The following TSPAN3 variants were observed in gnomAD, a reference collection of about 807,000 sequenced individuals.
TSPAN3 encodes the protein tetraspanin 3.
In TSPAN3, 9 loss-of-function variants were observed where a neutral mutation model predicts 31.1. That is an observed-to-expected ratio of 0.29 (90% CI 0.17 to 0.50). The LOEUF is 0.50. Ranked by LOEUF, TSPAN3 falls within the 20% of genes least tolerant of loss-of-function variation. TSPAN3 has a pLI of 0.98. For synonymous variants in TSPAN3, 129 were observed against 114.3 expected, an observed-to-expected ratio of 1.13 and a Z score of -0.82; for missense variants, 252 against 313.5, an observed-to-expected ratio of 0.80 and a Z score of 1.48.
chr15:77,048,263 G>C (rs1281424871), intron 6 of TSPAN3, among the ~76,000 whole-genome samples: 1 of 152,142 alleles, frequency 6.6e-6, no homozygotes, highest in Non-Finnish European at 1.5e-5. Context: ...TGTTAGAACA[G>C]CTATAAACTC....
chr15:77,070,939 T>G lies in TSPAN3; in HGVS notation c.16A>C (p.Ile6Leu), dbSNP rs1277930372. ...ACCAGCACGGTCTTGGAGGAGGTGA[T>G]GCCGCACTGGCCCATGGCGCCGGTG... MGQCGITSSKTVLVFL... is the reference protein window; with the variant it reads MGQCGLTSSKTVLVFL... The change falls in exon 1 of 7, where the codon ATC becomes CTC. Residue 6 changes from isoleucine (I) to leucine (L), a missense_variant. Ile to Leu is a conservative substitution (Grantham distance 5). Transcript: ENST00000267970. The G allele has an allele frequency of 4.2e-6, 6 of 1,445,752 alleles. No homozygotes were observed. The highest frequency in any genetic ancestry group is 5.5e-6 in the Non-Finnish European group (6 of 1,091,838). 89.6% of individuals were successfully genotyped at this position (1,445,752 alleles called of 1,614,324 possible).
intron 1 of TSPAN3, among the ~76,000 whole-genome samples, chr15:77,060,545 T>C (rs1177052005): frequency 1.3e-5 from 2 of 152,226 alleles, no homozygotes; most frequent in African/African-American, 4.8e-5. Flanking sequence ...CTAGTATGCA[T>C]AGGGACTTTG....
chr15:77,056,109 A>C lies in TSPAN3; in HGVS notation c.210T>G (p.Ile70Met), dbSNP rs1163406133. 6.2e-7 allele frequency: 1 copy of C among 1,612,340 alleles called. No homozygotes were observed. The highest frequency in any genetic ancestry group is 1.3e-5 in the African/African-American group (1 of 74,792). Residue 70 changes from isoleucine (I) to methionine (M), a missense_variant, in exon 2 of 7, where the codon ATT (isoleucine) becomes ATG (methionine). Ile to Met is a conservative substitution (Grantham distance 10). Transcript: ENST00000267970. ...VGALLFIIGL[I>M]GCCATIRESR... ...TTTCCCGGATTGTGGCACAGCAGCC[A>C]ATTAGCCCAATGATGAAAAGCAGGG...
rs774521595 is a variant in TSPAN3, at chr15:77,070,788, C to T, written c.63+104G>A. 1,211 of 572,058 alleles carry T rather than the reference C, an allele frequency of 2.1e-3. 12 individuals carry two copies. In the African/African-American group the frequency reaches 0.023, roughly 11 times the overall value. 35.4% of individuals were successfully genotyped at this position (572,058 alleles called of 1,614,324 possible). ...CAGCCGCCTGAGGGCCCGCGCGCGG[C>T]CCCCGCGCGCCCGCCCAGGCCCAAG... On this transcript the variant is annotated intron_variant, in intron 1 of 6. Transcript: ENST00000267970.
intron 1 of TSPAN3, among the ~76,000 whole-genome samples, chr15:77,056,723 A>G (rs2076771204): frequency 6.6e-6 from 1 of 152,158 alleles, no homozygotes; most frequent in African/African-American, 2.4e-5. Flanking sequence ...ACCTCAAGGA[A>G]AAGAAAATAC....
At chr15:77,065,677 G>C (rs1295561089) in intron 1 of TSPAN3, among the ~76,000 whole-genome samples, 1 of 152,178 alleles carries the variant, frequency 6.6e-6, no homozygotes, top group Non-Finnish European at 1.5e-5. Context: ...AAAGTGCTGG[G>C]ATTACAGGCA....
intron 1 of TSPAN3, among the ~76,000 whole-genome samples, chr15:77,059,036 G>C (rs748639043): frequency 2.0e-5 from 3 of 152,010 alleles, no homozygotes; most frequent in African/African-American, 4.8e-5. Context: ...GCACAAAAGT[G>C]GGGGGGAGTG....
rs190450799 is a variant in TSPAN3 at position 77,043,488 on chromosome 15, C to T, written c.*3347G>A. 1.3e-5 allele frequency: 2 copies of T among 152,282 alleles called. No homozygotes were observed. Among genetic ancestry groups the T allele is most frequent in the Admixed American group, 6.5e-5 (1 of 15,292 alleles). The allele number at this position is 152,282 out of a possible 1,614,324, so 9.4% of individuals were successfully genotyped here. ...CGAGATGCGATGCCCTGAGAGGCCGCGTGACGCAGGTAGTGGTTCAGCCAC... is the reference window on the plus strand; with the variant it reads ...CGAGATGCGATGCCCTGAGAGGCCGTGTGACGCAGGTAGTGGTTCAGCCAC... On this transcript the variant is annotated 3_prime_UTR_variant, in exon 7 of 7. Coordinates refer to ENST00000267970, the MANE Select transcript of TSPAN3 (RefSeq NM_005724.6).
chr15:77,067,036 GA>G (rs1451891761), intron 1 of TSPAN3, among the ~76,000 whole-genome samples: 1 of 151,748 alleles, frequency 6.6e-6, no homozygotes, highest in Non-Finnish European at 1.5e-5. Context: ...CCATTCCCAT[GA>G]AAACCCATTA....
chr15:77,046,825 G>C lies in TSPAN3; in HGVS notation c.*10C>G, dbSNP rs977506827. 1.9e-6 allele frequency: 3 copies of C among 1,578,620 alleles called. No individual in the cohort carries two copies. Among genetic ancestry groups the C allele is most frequent in the East Asian group, 2.3e-5 (1 of 43,566 alleles). ...GAACAAGACCAAAAAGCTCAGGCTT[G>C]AGTTGTCAACTATGCATAGGTTCCG... On this transcript the variant is annotated 3_prime_UTR_variant, in exon 7 of 7. Coordinates refer to ENST00000267970, the MANE Select transcript of TSPAN3 (RefSeq NM_005724.6).
chr15:77,047,766 TA>T lies in TSPAN3; in HGVS notation c.670-840del, dbSNP rs539945174. Among the ~76,000 whole-genome samples, 309 of 152,320 alleles carry T rather than the reference TA, an allele frequency of 2.0e-3. 2 individuals are homozygous for T. Among genetic ancestry groups the T allele is most frequent in the African/African-American group, 7.0e-3 (292 of 41,550 alleles). ...TTTTGACCTACCTTCTCCCAAAATA[TA>T]ATTTTTTTGTGAGATAATTTGCTGT... On this transcript the variant is annotated intron_variant, in intron 6 of 6. Transcript: ENST00000267970.
intron 4 of TSPAN3, among the ~76,000 whole-genome samples, chr15:77,053,443 C>T (rs570823973): frequency 6.3e-5 from 4 of 63,956 alleles, no homozygotes; most frequent in East Asian, 1.1e-3. Flanking sequence ...AGTGAAATTT[C>T]GCCATCTCAA....
At chr15:77,054,947 G>A (rs569428576) in intron 3 of TSPAN3, 1 of 152,254 alleles carries the variant, frequency 6.6e-6, no homozygotes, top group South Asian at 2.1e-4. Flanking sequence ...TCGGAGGACT[G>A]GACTTATCTG....
At chr15:77,063,384 A>G (rs896337846) in intron 1 of TSPAN3, 1 of 145,132 alleles carries the variant, frequency 6.9e-6, no homozygotes, top group Non-Finnish European at 1.5e-5. Flanking sequence ...AGAAAATTCT[A>G]TTTTTTTTTT....
rs1374705780 is a variant in TSPAN3 at position 77,054,319 on chromosome 15, G to A, written c.331-40C>T. ...AGAATTCAGTCCCTCAAAAATACTA[G>A]TAAAAGTAACATTAGTCAAGGCTCC... On this transcript the variant is annotated intron_variant, in intron 3 of 6. Transcript: ENST00000267970. The A allele has an allele frequency of 8.6e-6, 12 of 1,392,958 alleles. No individual in the cohort carries two copies. In the East Asian group the frequency reaches 1.4e-4, roughly 16 times the overall value. 86.3% of individuals were successfully genotyped at this position (1,392,958 alleles called of 1,614,324 possible).
chr15:77,052,978 G>C, intron 4 of TSPAN3, 49 bp from the exon 5 acceptor site: 1 of 1,550,646 alleles, frequency 6.4e-7, no homozygotes, highest in Non-Finnish European at 8.8e-7. Context: ...CCAAATACCT[G>C]AAGTTCCATG....
rs2076667283 is a variant in TSPAN3 at position 77,042,801 on chromosome 15, G to A, written c.*4034C>T. The A allele has an allele frequency of 6.6e-6, 1 of 152,068 alleles. No individual in the cohort carries two copies. Among genetic ancestry groups the A allele is most frequent in the South Asian group, 2.1e-4 (1 of 4,818 alleles). 9.4% of individuals were successfully genotyped at this position (152,068 alleles called of 1,614,324 possible). A position where few individuals can be genotyped will look rare whatever the true frequency, so the allele number is the denominator to read the frequency against. On this transcript the variant is annotated 3_prime_UTR_variant, in exon 7 of 7. Coordinates refer to ENST00000267970, the MANE Select transcript of TSPAN3 (RefSeq NM_005724.6). ...ATGAGGAACAGGGTATGTACATGGA[G>A]ACAGTGTGTCTCCAGAGATTTCTTA...
At position 77,071,001 on chromosome 15, in the gene TSPAN3, T is replaced by C. The variant is rs1160990014; in HGVS notation, c.-47A>G. On this transcript the variant is annotated 5_prime_UTR_variant, in exon 1 of 7. Coordinates refer to ENST00000267970, the MANE Select transcript of TSPAN3 (RefSeq NM_005724.6). ...CCCGGCCCGGAGAGCGGGGCTGCGC[T>C]CACCGAGAGAGCGGCAATGGCGGCG... 3.8e-6 allele frequency: 5 copies of C among 1,330,656 alleles called. No homozygotes were observed. The highest frequency in any genetic ancestry group is 1.7e-5 in the South Asian group (1 of 58,368). The allele number at this position is 1,330,656 out of a possible 1,614,324, so 82.4% of individuals were successfully genotyped here. A position where few individuals can be genotyped will look rare whatever the true frequency, so the allele number is the denominator to read the frequency against.
rs1279872082 is a variant in TSPAN3 at position 77,052,830 on chromosome 15, T to A, written c.532A>T (p.Thr178Ser). 6.2e-7 allele frequency: 1 copy of A among 1,614,178 alleles called. No individual in the cohort carries two copies. The highest frequency in any genetic ancestry group is 8.5e-7 in the Non-Finnish European group (1 of 1,180,016). ...QSVPLSCCRE[T>S]ASNCNGSLAH... is the part of the protein sequence containing the mutation. Reference sequence around the variant, plus strand: ...AGGCTGCCATTACAATTGCTGGCAGTCTCTCTGCAGCAGCTAAGAGGGACA... The same window carrying A: ...AGGCTGCCATTACAATTGCTGGCAGACTCTCTGCAGCAGCTAAGAGGGACA... The change falls in exon 5 of 7, where the codon ACT becomes TCT. Residue 178 changes from threonine (T) to serine (S), a missense_variant. Thr to Ser is a moderately conservative substitution (Grantham distance 58, BLOSUM62 1). Transcript: ENST00000267970.
Sources: allele counts gnomAD v4.1 joint callset (sites outside exome capture counted in the v4.1 genomes callset), GRCh38; gene constraint gnomAD v4.1.1; transcripts MANE v1.5; gene names NCBI Gene and HGNC (gene_info 2026-07-23, HGNC 2026-07-21).